Variants in PARVA observed in about 807,000 individuals in gnomAD.
The protein encoded by PARVA is parvin alpha.
A neutral mutation model predicts 52.6 loss-of-function variants in PARVA; 25 were observed. That is an observed-to-expected ratio of 0.48 (90% CI 0.35 to 0.66). The LOEUF is 0.66. PARVA is among the 30% of genes least tolerant of loss of function. The probability of loss-of-function intolerance (pLI) is 0.01; values close to 1 mark genes in which losing one functional copy is unlikely to be tolerated. For synonymous variants in PARVA, 185 were observed against 179.1 expected (o/e 1.03, Z -0.26); for missense variants, 373 against 450.9 (o/e 0.83, Z 1.56).
chr11:12,408,633 T>C (rs1451134222), intron 1 of PARVA, among the ~76,000 whole-genome samples: 2 of 152,146 alleles, frequency 1.3e-5, no homozygotes, highest in South Asian at 4.1e-4. Context: ...GTTTTTTTCA[T>C]TTATCCAGTT....
At chr11:12,444,369 A>G (rs75921149) in intron 1 of PARVA, among the ~76,000 whole-genome samples, 14,622 of 152,220 alleles carry the variant, frequency 0.096, 798 homozygotes, top group South Asian at 0.21. Flanking sequence ...TTAGACAATT[A>G]ATACTCACTA....
At chr11:12,450,948 C>A (rs780387048) in intron 1 of PARVA, among the ~76,000 whole-genome samples, 1 of 152,176 alleles carries the variant, frequency 6.6e-6, no homozygotes, top group Non-Finnish European at 1.5e-5. Context: ...AGTCCACTAA[C>A]TCAAAATGTT....
chr11:12,396,024 A>G (rs61875442), intron 1 of PARVA, among the ~76,000 whole-genome samples: 13,582 of 152,240 alleles, frequency 0.089, 745 homozygotes, highest in African/African-American at 0.14. Context: ...TTATTTGTAT[A>G]CGTATCCAAC....
chr11:12,377,149 A>C (rs1230998711), upstream of PARVA: 4 of 213,250 alleles, frequency 1.9e-5, no homozygotes, highest in African/African-American at 9.2e-5. Flanking sequence ...CAGGAGCTGC[A>C]GTCTTGTGGG....
At chr11:12,431,480 A>G (rs1409315416) in intron 1 of PARVA, among the ~76,000 whole-genome samples, 1 of 152,014 alleles carries the variant, frequency 6.6e-6, no homozygotes, top group East Asian at 1.9e-4. Context: ...GAATGAGGCA[A>G]GAGTCTGCAG....
intron 3 of PARVA, among the ~76,000 whole-genome samples, chr11:12,475,598 T>TA: frequency 6.6e-6 from 1 of 152,038 alleles, no homozygotes; most frequent in Middle Eastern, 3.2e-3. Flanking sequence ...TATTCAGAAG[T>TA]AAAATCAAAC....
Position 12,514,010 on chromosome 11 carries a change from T to C in PARVA, c.812T>C (p.Phe271Ser). The stretch of plus-strand genomic sequence containing the variant: ...CTTCTCTTTTAGACACTCATCACTT[T>C]CGTGAACAAGCACCTGAATAAACTG... ...LNVVKKTLITFVNKHLNKLNL... is the reference protein window; with the variant it reads ...LNVVKKTLITSVNKHLNKLNL... The change falls in exon 10 of 13, where the codon TTC (phenylalanine) becomes TCC (serine). Residue 271 changes from phenylalanine (F) to serine (S), a missense_variant. By Grantham distance (155) the Phe-to-Ser change is radical (BLOSUM62 -2). Coordinates refer to ENST00000334956, the MANE Select transcript of PARVA (RefSeq NM_018222.5). 1 of 1,614,034 alleles carries C rather than the reference T, an allele frequency of 6.2e-7. No individual in the cohort carries two copies.
intron 1 of PARVA, among the ~76,000 whole-genome samples, chr11:12,391,551 G>A (rs1190444560): frequency 6.6e-6 from 1 of 152,222 alleles, no homozygotes; most frequent in Non-Finnish European, 1.5e-5. Flanking sequence ...TTGTGTTTGT[G>A]CAGGTTGGTA....
At chr11:12,406,954 G>A (rs2134970624) in intron 1 of PARVA, among the ~76,000 whole-genome samples, 1 of 152,252 alleles carries the variant, frequency 6.6e-6, no homozygotes, top group South Asian at 2.1e-4. Context: ...ACAGGCGTGA[G>A]CCACCGTGCC....
chr11:12,473,611 A>T (rs1940962328), intron 1 of PARVA, 134 bp from the exon 2 acceptor site: 1 of 678,946 alleles, frequency 1.5e-6, no homozygotes, highest in African/African-American at 1.8e-5. Flanking sequence ...AATTGATCGT[A>T]GGCTGAGTAA....
intron 1 of PARVA, among the ~76,000 whole-genome samples, chr11:12,380,749 T>C (rs1233512947): frequency 7.1e-6 from 1 of 140,120 alleles, no homozygotes; most frequent in Non-Finnish European, 1.5e-5. Flanking sequence ...GACTGTCATC[T>C]CCCTTATTCT....
rs1941795594 is a variant in PARVA at position 12,533,319 on chromosome 11, C to T, written c.*5394C>T. On this transcript the variant is annotated 3_prime_UTR_variant, in exon 13 of 13. Transcript: ENST00000334956. ...AGGAGGACTCCTGTTTTACCAACGG[C>T]AGGAGCAGGAATCCCACCATTCAGC... is the stretch of plus-strand genomic sequence containing the variant. 6.6e-6 allele frequency among the ~76,000 whole-genome samples: 1 copy of T among 152,238 alleles called. No homozygotes were observed. The highest frequency in any genetic ancestry group is 1.5e-5 in the Non-Finnish European group (1 of 68,048).
At chr11:12,421,047 C>A (rs1178182702) in intron 1 of PARVA, among the ~76,000 whole-genome samples, 1 of 146,276 alleles carries the variant, frequency 6.8e-6, no homozygotes, top group Non-Finnish European at 1.5e-5. Context: ...TCAATCAGTA[C>A]CGGCTCTAAA....
At chr11:12,432,100 A>G (rs972813494) in intron 1 of PARVA, among the ~76,000 whole-genome samples, 1 of 152,230 alleles carries the variant, frequency 6.6e-6, no homozygotes. Context: ...TCTTTTTACA[A>G]TTAACGTAAA....
chr11:12,507,223 T>C (rs1248978562), intron 6 of PARVA, among the ~76,000 whole-genome samples: 4 of 152,198 alleles, frequency 2.6e-5, no homozygotes, highest in African/African-American at 9.7e-5. Context: ...AAGGCAGGGC[T>C]CAGATGAGCC....
intron 12 of PARVA, 83 bp from the exon 13 acceptor site, chr11:12,527,766 G>A (rs571645679): frequency 9.9e-7 from 1 of 1,006,676 alleles, no homozygotes; most frequent in Non-Finnish European, 1.6e-6. Flanking sequence ...ATTGGGTGGT[G>A]GGTGGAAGGG....
chr11:12,377,901 G>A, intron 1 of PARVA, 118 bp downstream of exon 1: 1 of 428,614 alleles, frequency 2.3e-6, no homozygotes, highest in Non-Finnish European at 3.5e-6. Flanking sequence ...GCGGTGGGGC[G>A]CGCGGCGATG....
At position 12,533,690 on chromosome 11, in the gene PARVA, G is replaced by A. The variant is rs1042092655; in HGVS notation, c.*5765G>A. Among the ~76,000 whole-genome samples the A allele has an allele frequency of 3.0e-4, 46 of 151,808 alleles. No homozygotes were observed. Among genetic ancestry groups the A allele is most frequent in the African/African-American group, 1.0e-3 (42 of 41,206 alleles). On this transcript the variant is annotated 3_prime_UTR_variant, in exon 13 of 13. Coordinates refer to ENST00000334956, the MANE Select transcript of PARVA (RefSeq NM_018222.5). The stretch of plus-strand genomic sequence containing the variant: ...ATTATATACTATATCCTTACCATAC[G>A]GTAAGCTAGAGAAAAAATGTTACTA...
At chr11:12,487,931 C>T (rs1371820628) in intron 4 of PARVA, among the ~76,000 whole-genome samples, 1 of 152,120 alleles carries the variant, frequency 6.6e-6, no homozygotes, top group Non-Finnish European at 1.5e-5. Context: ...GGAAAGGAGA[C>T]AGTTTTCACA....
Sources: gnomAD v4.1 joint callset for allele counts (sites outside exome capture counted in the v4.1 genomes callset) on GRCh38, gnomAD v4.1.1 for gene constraint, MANE v1.5 for transcripts, NCBI Gene and HGNC (gene_info 2026-07-23, HGNC 2026-07-21) for gene names.